Variants in ASMTL observed in about 807,000 individuals in gnomAD.
ASMTL encodes acetylserotonin O-methyltransferase like.
A neutral mutation model predicts 60.3 loss-of-function variants in ASMTL; 57 were observed. The observed-to-expected ratio is 0.95, with a 90% CI of 0.76 to 1.18. The LOEUF (loss-of-function observed/expected upper bound fraction) is 1.18, where lower values mean the gene tolerates loss of function less well. ASMTL is among the 50% of genes most tolerant of loss of function. ASMTL has a pLI of 0.00. For synonymous variants in ASMTL, 419 were observed against 373.0 expected (o/e 1.12, Z -1.42); for missense variants, 981 against 852.6 (o/e 1.15, Z -1.88).
rs761993917 is a variant in ASMTL at position 1,442,228 on chromosome X, G to A, written c.183C>T (p.Thr61=). 28 of 1,613,666 alleles carry A rather than the reference G, an allele frequency of 1.7e-5. No homozygotes were observed. The highest frequency in any genetic ancestry group is 4.0e-5 in the African/African-American group (3 of 74,870). Residue 61 remains threonine, a synonymous_variant, in exon 2 of 13, where the codon ACC becomes ACT. Coordinates refer to ENST00000381317, the MANE Select transcript of ASMTL (RefSeq NM_004192.4). ...CCACCTCCAGGGCCTTCTGCTTGGC[G>A]GTCTCCATGGCGTACCCATACGGAG... ...FATPYGYAME[T]AKQKALEVAN...
chrX:1,452,201 C>T (rs1463054990), intron 1 of ASMTL, among the ~76,000 whole-genome samples: 3 of 148,570 alleles, frequency 2.0e-5, no homozygotes, highest in Non-Finnish European at 3.0e-5. Flanking sequence ...TTACTCTCCC[C>T]ATCCCCATGC....
intron 1 of ASMTL, among the ~76,000 whole-genome samples, chrX:1,450,726 T>C (rs1325551845): frequency 4.0e-5 from 4 of 100,852 alleles, no homozygotes; most frequent in African/African-American, 7.8e-5. Context: ...CCCTAGGGGT[T>C]CTGGGTTACT....
chrX:1,405,013 GATGGATGA>G (rs1367943814), intron 12 of ASMTL, among the ~76,000 whole-genome samples: 2 of 151,244 alleles, frequency 1.3e-5, no homozygotes, highest in Middle Eastern at 3.4e-3. Flanking sequence ...TGGATGGATA[GATGGATGA>G]ATGGATGAAT....
At chrX:1,431,992 C>G in intron 6 of ASMTL, 3 of 530,336 alleles carry the variant, frequency 5.7e-6, no homozygotes, top group South Asian at 4.5e-5. Context: ...CACGTGAACT[C>G]CTCTACCCCT....
intron 2 of ASMTL, among the ~76,000 whole-genome samples, chrX:1,440,067 C>T (rs1374765909): frequency 6.6e-6 from 1 of 151,010 alleles, no homozygotes; most frequent in Non-Finnish European, 1.5e-5. Context: ...AACAGCCTTA[C>T]CTCTAATGTA....
rs769588967 is a variant in ASMTL, at chrX:1,438,014, C to T, written c.273+1083G>A. On this transcript the variant is annotated intron_variant, in intron 3 of 12. Transcript: ENST00000381317. Reference sequence around the variant, plus strand: ...AAAGAAGGGGAAAATTTCAGCCGGGCGCGGTGGCTCACGCCTGTCATCCCA... The same window carrying T: ...AAAGAAGGGGAAAATTTCAGCCGGGTGCGGTGGCTCACGCCTGTCATCCCA... Among the ~76,000 whole-genome samples, 7 of 151,972 alleles carry T rather than the reference C, an allele frequency of 4.6e-5. No individual in the cohort carries two copies. In the South Asian group the frequency reaches 1.2e-3, roughly 27 times the overall value.
intron 6 of ASMTL, 81 bp downstream of exon 6, chrX:1,432,188 G>C: frequency 8.3e-7 from 1 of 1,200,742 alleles, no homozygotes; most frequent in South Asian, 1.3e-5. Context: ...CTTTCCCAAA[G>C]GCTGGGTGGG....
In ASMTL at chrX:1,441,114, C is replaced by T. The variant is rs746696860; in HGVS notation, c.225+1072G>A. Among the ~76,000 whole-genome samples the T allele has an allele frequency of 2.2e-4, 33 of 151,560 alleles. No homozygotes were observed. In the East Asian group the frequency reaches 6.0e-3, roughly 28 times the overall value. ...AAATGATATTATTTTAATTAAAATC[C>T]GATATTACTTAGTGGCATGGTAATA... On this transcript the variant is annotated intron_variant, in intron 2 of 12. Coordinates refer to ENST00000381317, the MANE Select transcript of ASMTL (RefSeq NM_004192.4).
At chrX:1,410,633 C>T (rs766672271) in intron 12 of ASMTL, among the ~76,000 whole-genome samples, 26 of 152,064 alleles carry the variant, frequency 1.7e-4, no homozygotes, top group Admixed American at 3.3e-4. Flanking sequence ...AGGCTGGTCT[C>T]GAACTCCTGA....
At position 1,412,775 on chromosome X, in the gene ASMTL, T is replaced by C; in HGVS notation, c.1602A>G (p.Lys534=). 1 of 1,613,966 alleles carries C rather than the reference T, an allele frequency of 6.2e-7. No individual in the cohort carries two copies. The highest frequency in any genetic ancestry group is 1.3e-5 in the African/African-American group (1 of 75,044). ...CRILHDWPDD[K]VHKLLSRVAE... ...CGACCCTGCTGAGTAACTTGTGGAC[T>C]TTGTCGTCTGGCCAGTCATGCAGGA... Residue 534 remains lysine (K), a synonymous_variant, in exon 12 of 13, where the codon AAA becomes AAG. Coordinates refer to ENST00000381317, the MANE Select transcript of ASMTL (RefSeq NM_004192.4).
chrX:1,432,180 T>C, intron 6 of ASMTL, 89 bp downstream of exon 6: 2 of 1,135,720 alleles, frequency 1.8e-6, no homozygotes, highest in Non-Finnish European at 2.6e-6. Context: ...GCCTCCTTCT[T>C]TCCCAAAGGC....
chrX:1,412,808 C>T lies in ASMTL; in HGVS notation c.1569G>A (p.Leu523=), dbSNP rs11553056. Residue 523 remains leucine, a synonymous_variant, in exon 12 of 13, where the codon CTG becomes CTA. Coordinates refer to ENST00000381317, the MANE Select transcript of ASMTL (RefSeq NM_004192.4). ...CTGGCCAGTCATGCAGGATCCGGCA[C>T]AGGACGTACAGCTCAGCGCTGGGGA... ...DPLPSAELYV[L]CRILHDWPDD... The T allele has an allele frequency of 3.5e-3, 5,679 of 1,613,962 alleles. 181 individuals are homozygous for T. In the African/African-American group the frequency reaches 0.068, roughly 19 times the overall value.
intron 1 of ASMTL, 138 bp downstream of exon 1, chrX:1,452,610 G>A (rs1412603008): frequency 1.2e-5 from 8 of 680,224 alleles, no homozygotes; most frequent in African/African-American, 7.6e-5. Flanking sequence ...GAGGTCCCGG[G>A]ACACTCTCCC....
At chrX:1,417,910 C>A in intron 11 of ASMTL, 63 bp downstream of exon 11, 1 of 1,543,604 alleles carries the variant, frequency 6.5e-7, no homozygotes. Flanking sequence ...GCCATGCCCT[C>A]TGTCTAGAAA....
upstream of ASMTL, among the ~76,000 whole-genome samples, chrX:1,453,315 CGT>C (rs2091442573): frequency 6.6e-6 from 1 of 151,612 alleles, no homozygotes; most frequent in Admixed American, 6.6e-5. Flanking sequence ...TTGAGCTCCC[CGT>C]GAGGCCACGC....
chrX:1,441,173 T>A (rs1417678601), intron 2 of ASMTL, among the ~76,000 whole-genome samples: 2 of 152,214 alleles, frequency 1.3e-5, no homozygotes, highest in African/African-American at 4.8e-5. Flanking sequence ...ATGATACTAT[T>A]ATATTAATTG....
At chrX:1,447,776 C>T (rs1355654179) in intron 1 of ASMTL, among the ~76,000 whole-genome samples, 1 of 151,442 alleles carries the variant, frequency 6.6e-6, no homozygotes, top group Non-Finnish European at 1.5e-5. Flanking sequence ...TGGACACACA[C>T]CGCCATCTTG....
At chrX:1,412,905 C>G in intron 11 of ASMTL, 51 bp from the exon 12 acceptor site, 3 of 1,604,386 alleles carry the variant, frequency 1.9e-6, no homozygotes, top group Non-Finnish European at 2.6e-6. Flanking sequence ...AAGAAGCAGT[C>G]CTCCCCGGAC....
chrX:1,439,066 A>T, intron 3 of ASMTL, 31 bp downstream of exon 3: 2 of 1,612,726 alleles, frequency 1.2e-6, no homozygotes, highest in Non-Finnish European at 1.7e-6. Context: ...CACATCGGAC[A>T]TTAGAAACGA....
Sources: allele counts gnomAD v4.1 joint callset (sites outside exome capture counted in the v4.1 genomes callset), GRCh38; gene constraint gnomAD v4.1.1; transcripts MANE v1.5; gene names NCBI Gene and HGNC (gene_info 2026-07-23, HGNC 2026-07-21).